The following GIPC3 variants were observed in gnomAD, a reference collection of about 807,000 sequenced individuals.
GIPC3 encodes the protein GIPC PDZ domain containing family member 3.
GIPC3 carries 16 observed loss-of-function variants against 27.3 expected under a neutral mutation model. The ratio of observed to expected loss-of-function variants is 0.59; its 90% CI spans 0.40 to 0.89. The LOEUF is 0.89. Among genes scored for constraint, GIPC3 ranks in the 40% least tolerant of loss-of-function variants. The pLI is 0.00. For missense variants in GIPC3, 440 were observed against 442.1 expected (o/e 1.00, Z 0.04); for synonymous variants, 194 against 184.6 (o/e 1.05, Z -0.41).
Position 3,592,037 on chromosome 19 carries a change from C to T in GIPC3, c.*1847C>T, listed in dbSNP as rs1429148125. ...CTGGTTCTGAAATCCCAGCCAGCTC[C>T]AAAACACAGACAGCAGCTGAGACCC... On this transcript the variant is annotated 3_prime_UTR_variant, in exon 6 of 6. Transcript: ENST00000644452. 2 of 1,231,954 alleles carry T rather than the reference C, an allele frequency of 1.6e-6. No individual in the cohort carries two copies. Among genetic ancestry groups the T allele is most frequent in the Admixed American group, 4.2e-5 (1 of 23,690 alleles). 76.3% of individuals were successfully genotyped at this position (1,231,954 alleles called of 1,614,324 possible). A position where few individuals can be genotyped will look rare whatever the true frequency, so the allele number is the denominator to read the frequency against.
chr19:3,593,429 C>A lies in GIPC3; in HGVS notation c.*3239C>A. 1.4e-6 allele frequency: 1 copy of A among 715,322 alleles called. No individual in the cohort carries two copies. The highest frequency in any genetic ancestry group is 1.9e-6 in the Non-Finnish European group (1 of 516,546). 44.3% of individuals were successfully genotyped at this position (715,322 alleles called of 1,614,324 possible). ...TGTGCGGTGGTGAAAACAGGGGCTTCACCGGTCCTGGCTCAGATCCAGGTC... is the reference window on the plus strand; with the variant it reads ...TGTGCGGTGGTGAAAACAGGGGCTTAACCGGTCCTGGCTCAGATCCAGGTC... On this transcript the variant is annotated 3_prime_UTR_variant, in exon 6 of 6. Transcript: ENST00000644452.
intron 3 of GIPC3, 42 bp from the exon 4 acceptor site, chr19:3,589,401 C>A: frequency 6.9e-7 from 1 of 1,443,360 alleles, no homozygotes; most frequent in Non-Finnish European, 9.8e-7. Flanking sequence ...AGATGTGGCT[C>A]CACCCAGAAC....
In GIPC3 at chr19:3,591,613, A is replaced by T; in HGVS notation, c.*1423A>T. On this transcript the variant is annotated 3_prime_UTR_variant, in exon 6 of 6. Transcript: ENST00000644452. ...CAAATCAAATCCTATTCAAGAACTCAGACCAGCTCAGAAACCCAGGTCCAC... is the reference window on the plus strand; with the variant it reads ...CAAATCAAATCCTATTCAAGAACTCTGACCAGCTCAGAAACCCAGGTCCAC... 1 of 1,233,130 alleles carries T rather than the reference A, an allele frequency of 8.1e-7. No homozygotes were observed. The highest frequency in any genetic ancestry group is 1.0e-6 in the Non-Finnish European group (1 of 988,890). The allele number at this position is 1,233,130 out of a possible 1,614,324, so 76.4% of individuals were successfully genotyped here.
chr19:3,592,557 C>A lies in GIPC3; in HGVS notation c.*2367C>A. Reference sequence around the variant, plus strand: ...TCTTAGCTCCAGAACCCAGTCCAGTCCTGAGACCAGGCTCAGCTCTGAGGC... The same window carrying A: ...TCTTAGCTCCAGAACCCAGTCCAGTACTGAGACCAGGCTCAGCTCTGAGGC... On this transcript the variant is annotated 3_prime_UTR_variant, in exon 6 of 6. Transcript: ENST00000644452. 2 of 1,231,324 alleles carry A rather than the reference C, an allele frequency of 1.6e-6. No homozygotes were observed. The highest frequency in any genetic ancestry group is 2.0e-6 in the Non-Finnish European group (2 of 987,676). The allele number at this position is 1,231,324 out of a possible 1,614,324, so 76.3% of individuals were successfully genotyped here.
At position 3,592,167 on chromosome 19, in the gene GIPC3, A is replaced by C. The variant is rs2032496968; in HGVS notation, c.*1977A>C. Reference sequence around the variant, plus strand: ...CTCCACAGCCCTGTCTAGTTCCGACAGCAGGTCCAGCTCCAGGACCCAGCG... The same window carrying C: ...CTCCACAGCCCTGTCTAGTTCCGACCGCAGGTCCAGCTCCAGGACCCAGCG... On this transcript the variant is annotated 3_prime_UTR_variant, in exon 6 of 6. Coordinates refer to ENST00000644452, the MANE Select transcript of GIPC3 (RefSeq NM_133261.3). The C allele has an allele frequency of 8.1e-7, 1 of 1,231,966 alleles. No homozygotes were observed. Among genetic ancestry groups the C allele is most frequent in the Admixed American group, 4.2e-5 (1 of 23,678 alleles). The allele number at this position is 1,231,966 out of a possible 1,614,324, so 76.3% of individuals were successfully genotyped here.
In GIPC3 at chr19:3,590,174, G is replaced by C. The variant is rs1199684186; in HGVS notation, c.923G>C (p.Arg308Thr). The C allele has an allele frequency of 8.1e-6, 13 of 1,603,404 alleles. No individual in the cohort carries two copies. The highest frequency in any genetic ancestry group is 1.0e-5 in the Non-Finnish European group (12 of 1,175,986). ...VEVWAAIGEA[R>T]EACG ...GTGTGGGCCGCCATCGGCGAGGCCAGAGAGGCCTGTGGCTAGTTTGCCCTG... is the reference window on the plus strand; with the variant it reads ...GTGTGGGCCGCCATCGGCGAGGCCACAGAGGCCTGTGGCTAGTTTGCCCTG... Residue 308 changes from arginine to threonine, a missense_variant, in exon 6 of 6, where the codon AGA becomes ACA. Coordinates refer to ENST00000644452, the MANE Select transcript of GIPC3 (RefSeq NM_133261.3).
rs530324914 is a variant in GIPC3, at chr19:3,590,546, G to T, written c.*356G>T. 1.1e-5 allele frequency: 15 copies of T among 1,353,008 alleles called. No homozygotes were observed. Among genetic ancestry groups the T allele is most frequent in the African/African-American group, 1.5e-5 (1 of 67,876 alleles). 83.8% of individuals were successfully genotyped at this position (1,353,008 alleles called of 1,614,324 possible). A position where few individuals can be genotyped will look rare whatever the true frequency, so the allele number is the denominator to read the frequency against. Reference sequence around the variant, plus strand: ...GTTCTAGAACTCAGGCCTGCTCTGAGGCCAAGCCCAGCTCTAGAACCCAGA... The same window carrying T: ...GTTCTAGAACTCAGGCCTGCTCTGATGCCAAGCCCAGCTCTAGAACCCAGA... On this transcript the variant is annotated 3_prime_UTR_variant, in exon 6 of 6. Transcript: ENST00000644452.
In GIPC3 at chr19:3,591,175, A is replaced by C; in HGVS notation, c.*985A>C. 8.1e-7 allele frequency: 1 copy of C among 1,233,166 alleles called. No homozygotes were observed. Among genetic ancestry groups the C allele is most frequent in the Non-Finnish European group, 1.0e-6 (1 of 988,770 alleles). The allele number at this position is 1,233,166 out of a possible 1,614,324, so 76.4% of individuals were successfully genotyped here. ...AGCTCTGAAACCAATCCCAGCATTG[A>C]GACCAAGCCCTGTTCTAGAACTCAG... is the stretch of plus-strand genomic sequence containing the variant. On this transcript the variant is annotated 3_prime_UTR_variant, in exon 6 of 6. Transcript: ENST00000644452.
intron 3 of GIPC3, among the ~76,000 whole-genome samples, chr19:3,588,352 T>A (rs577456981): frequency 1.3e-5 from 2 of 152,180 alleles, no homozygotes; most frequent in East Asian, 3.9e-4. Flanking sequence ...AGTGTATTGA[T>A]TTACACACTA....
Position 3,592,564 on chromosome 19 carries a change from C to T in GIPC3, c.*2374C>T. The stretch of plus-strand genomic sequence containing the variant: ...TCCAGAACCCAGTCCAGTCCTGAGA[C>T]CAGGCTCAGCTCTGAGGCTCAGTCC... On this transcript the variant is annotated 3_prime_UTR_variant, in exon 6 of 6. Coordinates refer to ENST00000644452, the MANE Select transcript of GIPC3 (RefSeq NM_133261.3). 2 of 1,231,854 alleles carry T rather than the reference C, an allele frequency of 1.6e-6. No individual in the cohort carries two copies. Among genetic ancestry groups the T allele is most frequent in the Non-Finnish European group, 2.0e-6 (2 of 987,822 alleles). 76.3% of individuals were successfully genotyped at this position (1,231,854 alleles called of 1,614,324 possible).
rs1286673196 is a variant in GIPC3 at position 3,593,280 on chromosome 19, G to A, written c.*3090G>A. 2 of 1,232,364 alleles carry A rather than the reference G, an allele frequency of 1.6e-6. No homozygotes were observed. The highest frequency in any genetic ancestry group is 6.3e-5 in the East Asian group (2 of 31,704). 76.3% of individuals were successfully genotyped at this position (1,232,364 alleles called of 1,614,324 possible). On this transcript the variant is annotated 3_prime_UTR_variant, in exon 6 of 6. Transcript: ENST00000644452. Reference sequence around the variant, plus strand: ...GCCAGGAGCCCGCCCTTACCGCGGGGGGCCGTAGCTTGGCTGTGACTTAGC... The same window carrying A: ...GCCAGGAGCCCGCCCTTACCGCGGGAGGCCGTAGCTTGGCTGTGACTTAGC...
In GIPC3 at chr19:3,593,147, A is replaced by T. The variant is rs1038776715; in HGVS notation, c.*2957A>T. 1 of 1,232,204 alleles carries T rather than the reference A, an allele frequency of 8.1e-7. No homozygotes were observed. The highest frequency in any genetic ancestry group is 1.0e-6 in the Non-Finnish European group (1 of 988,116). 76.3% of individuals were successfully genotyped at this position (1,232,204 alleles called of 1,614,324 possible). ...GGGTGGGACCCCAGAAGTCCACCCC[A>T]CCCACCATATCTGTCACTCCTAGTC... On this transcript the variant is annotated 3_prime_UTR_variant, in exon 6 of 6. Coordinates refer to ENST00000644452, the MANE Select transcript of GIPC3 (RefSeq NM_133261.3).
intron 1 of GIPC3, 71 bp from the exon 2 acceptor site, chr19:3,586,424 T>C: frequency 7.2e-7 from 1 of 1,391,200 alleles, no homozygotes; most frequent in Non-Finnish European, 1.0e-6. Context: ...GGCAGGGGCC[T>C]GCGCAGACAG....
intron 3 of GIPC3, 48 bp downstream of exon 3, chr19:3,587,042 G>A: frequency 6.4e-7 from 1 of 1,559,348 alleles, no homozygotes; most frequent in Non-Finnish European, 8.7e-7. Context: ...GCGTTCTACG[G>A]ATGCCTGGGG....
At chr19:3,587,128 G>T in intron 3 of GIPC3, 134 bp downstream of exon 3, 1 of 744,024 alleles carries the variant, frequency 1.3e-6, no homozygotes, top group Non-Finnish European at 2.2e-6. Flanking sequence ...TCCTGGCAGG[G>T]TATCAGAAAC....
At position 3,586,535 on chromosome 19, in the gene GIPC3, AG is replaced by A; in HGVS notation, c.267del (p.Lys90SerfsTer7). ...CTLNSHKVDMQKLLGGQIGLE... is the reference protein window; with the variant it reads ...CTLNSHKVDMXKLLGGQIGLE... ...CTCAACAGCCACAAAGTGGACATGC[AG>A]AAGCTCCTGGGGGGTCAGATAGGCC... On this transcript the variant is annotated frameshift_variant, in exon 2 of 6. Transcript: ENST00000644452. LOFTEE classifies it high-confidence loss of function. 2 of 1,613,934 alleles carry A rather than the reference AG, an allele frequency of 1.2e-6. No homozygotes were observed. Among genetic ancestry groups the A allele is most frequent in the Non-Finnish European group, 8.5e-7 (1 of 1,180,004 alleles).
rs1401759539 is a variant in GIPC3 at position 3,586,693 on chromosome 19, G to C, written c.411+13G>C. The stretch of plus-strand genomic sequence containing the variant: ...CGCCTTCATCAAGGTGCCCGGGAGG[G>C]GGTGGGCGGGTGGCTTCCTGGGGTC... On this transcript the variant is annotated intron_variant, in intron 2 of 5. Transcript: ENST00000644452. The C allele has an allele frequency of 6.2e-7, 1 of 1,610,256 alleles. No homozygotes were observed.
At position 3,585,747 on chromosome 19, in the gene GIPC3, C is replaced by T. The variant is rs1454149319; in HGVS notation, c.150C>T (p.Gly50=). The T allele has an allele frequency of 6.5e-7, 1 of 1,544,516 alleles. No individual in the cohort carries two copies. Among genetic ancestry groups the T allele is most frequent in the Non-Finnish European group, 8.7e-7 (1 of 1,144,866 alleles). The change falls in exon 1 of 6, where the codon GGC becomes GGT. Residue 50 remains glycine (G), a synonymous_variant. Transcript: ENST00000644452. The stretch of plus-strand genomic sequence containing the variant: ...AGCTGGCGCACGGGAGCCCCACGGG[C>T]AAGATCGAGGGCTTCACCAACGTCC... ...RTQLAHGSPT[G]KIEGFTNVRE... is the part of the protein sequence containing the mutation.
chr19:3,592,569 C>A lies in GIPC3; in HGVS notation c.*2379C>A. ...AACCCAGTCCAGTCCTGAGACCAGGCTCAGCTCTGAGGCTCAGTCCAGCTC... is the reference window on the plus strand; with the variant it reads ...AACCCAGTCCAGTCCTGAGACCAGGATCAGCTCTGAGGCTCAGTCCAGCTC... On this transcript the variant is annotated 3_prime_UTR_variant, in exon 6 of 6. Transcript: ENST00000644452. 1.6e-6 allele frequency: 2 copies of A among 1,231,630 alleles called. No individual in the cohort carries two copies. Among genetic ancestry groups the A allele is most frequent in the Non-Finnish European group, 2.0e-6 (2 of 987,900 alleles). 76.3% of individuals were successfully genotyped at this position (1,231,630 alleles called of 1,614,324 possible). A position where few individuals can be genotyped will look rare whatever the true frequency, so the allele number is the denominator to read the frequency against.
Sources: gnomAD v4.1 joint callset for allele counts (sites outside exome capture counted in the v4.1 genomes callset) on GRCh38, gnomAD v4.1.1 for gene constraint, MANE v1.5 for transcripts, NCBI Gene and HGNC (gene_info 2026-07-23, HGNC 2026-07-21) for gene names.